The following ACOT1 variants were observed in gnomAD, a reference collection of about 807,000 sequenced individuals.
ACOT1 encodes acyl-coenzyme A thioesterase 1.
In ACOT1, 8 loss-of-function variants were observed where a neutral mutation model predicts 15.7. That is an observed-to-expected ratio of 0.51 (90% CI 0.30 to 0.92). The LOEUF is 0.92. Ranked by LOEUF, ACOT1 falls within the 40% of genes least tolerant of loss-of-function variation. ACOT1 has a pLI of 0.06. For synonymous variants in ACOT1, 67 were observed against 241.2 expected, an observed-to-expected ratio of 0.28 and a Z score of 6.69; for missense variants, 151 against 539.4, an observed-to-expected ratio of 0.28 and a Z score of 7.13.
At chr14:73,508,391 A>G in the ACOT1 span, 4 of 953,300 alleles carry the variant, frequency 4.2e-6, no homozygotes, top group South Asian at 1.5e-5. Context: ...ACCCCACCTG[A>G]TATCTCACTT....
chr14:73,501,417 G>A, the ACOT1 span, among the ~76,000 whole-genome samples: 3 of 151,032 alleles, frequency 2.0e-5, no homozygotes, highest in African/African-American at 4.9e-5. Flanking sequence ...GAGCCACCGC[G>A]CCCGGCCTTA....
the ACOT1 span, chr14:73,491,433 CGG>C: frequency 6.6e-6 from 9 of 1,354,778 alleles, no homozygotes; most frequent in East Asian, 1.8e-4. Flanking sequence ...CCCGCCGCGC[CGG>C]TCCGGGTGGT....
upstream of ACOT1, among the ~76,000 whole-genome samples, chr14:73,533,881 TA>T (rs59844752): frequency 0.86 from 32,528 of 37,980 alleles, 14,548 homozygotes; most frequent in Middle Eastern, 0.97. Flanking sequence ...ACCCTGTCTC[TA>T]AAAAAAAAAA....
the ACOT1 span, chr14:73,492,177 T>C: frequency 1.2e-6 from 2 of 1,614,018 alleles, no homozygotes; most frequent in South Asian, 1.1e-5. The surrounding 1 kb of genome is among the most constrained non-coding windows in gnomAD (Gnocchi z 4.9). Context: ...GAGCCGGTGC[T>C]GCAGACCGTG....
At chr14:73,531,964 A>G in the ACOT1 span, among the ~76,000 whole-genome samples, 4 of 114,892 alleles carry the variant, frequency 3.5e-5, no homozygotes, top group African/African-American at 1.1e-4. Context: ...CCCAGGAAGC[A>G]GAGGTTGCAG....
At chr14:73,516,362 C>T in the ACOT1 span, among the ~76,000 whole-genome samples, 1 of 85,274 alleles carries the variant, frequency 1.2e-5, no homozygotes, top group Admixed American at 1.2e-4. Flanking sequence ...CACACTTTGC[C>T]ATGTGACGCT....
At chr14:73,514,072 A>G in the ACOT1 span, 1 of 1,614,182 alleles carries the variant, frequency 6.2e-7, no homozygotes, top group South Asian at 1.1e-5. Context: ...CATCCTCCGC[A>G]GGACCACCAG....
At chr14:73,502,472 T>C in the ACOT1 span, among the ~76,000 whole-genome samples, 1 of 152,134 alleles carries the variant, frequency 6.6e-6, no homozygotes, top group Non-Finnish European at 1.5e-5. Flanking sequence ...GGACTGTTAA[T>C]TTTTTACAGT....
At chr14:73,519,291 GC>G in the ACOT1 span, 1 of 814,598 alleles carries the variant, frequency 1.2e-6, no homozygotes, top group Non-Finnish European at 1.9e-6. Context: ...ATCCATGACT[GC>G]CATACTCTGG....
chr14:73,515,658 C>T, the ACOT1 span, among the ~76,000 whole-genome samples: 7 of 110,220 alleles, frequency 6.4e-5, no homozygotes, highest in Non-Finnish European at 8.4e-5. Flanking sequence ...GGTGACAAAG[C>T]GAGACTCCAT....
chr14:73,510,082 C>T, the ACOT1 span, among the ~76,000 whole-genome samples: 158 of 150,920 alleles, frequency 1.0e-3, no homozygotes, highest in African/African-American at 3.5e-3. Context: ...AGGATGGTCT[C>T]GATCTCCTGA....
the ACOT1 span, chr14:73,508,386 A>C: frequency 9.8e-7 from 1 of 1,017,790 alleles, no homozygotes; most frequent in Non-Finnish European, 1.5e-6. Flanking sequence ...CTGCTACCCC[A>C]CCTGATATCT....
chr14:73,493,825 G>A, the ACOT1 span, among the ~76,000 whole-genome samples: 4 of 152,144 alleles, frequency 2.6e-5, no homozygotes, highest in Admixed American at 6.5e-5. Context: ...GCAACAGAGC[G>A]AGACTCCGTC....
At chr14:73,515,780 G>A in the ACOT1 span, among the ~76,000 whole-genome samples, 3 of 113,392 alleles carry the variant, frequency 2.6e-5, no homozygotes, top group African/African-American at 3.5e-5. Flanking sequence ...CAGCTTGGAC[G>A]TGCTGGGGGA....
chr14:73,530,769 C>T, the ACOT1 span, among the ~76,000 whole-genome samples: 1 of 112,668 alleles, frequency 8.9e-6, no homozygotes, highest in African/African-American at 2.9e-5. Flanking sequence ...GGAGCATAGG[C>T]ACATAGCACA....
chr14:73,504,011 G>A, the ACOT1 span, among the ~76,000 whole-genome samples: 1 of 151,570 alleles, frequency 6.6e-6, no homozygotes, highest in African/African-American at 2.4e-5. Context: ...ATTGGAAGTT[G>A]TTAAAATGAT....
At chr14:73,522,166 T>C in the ACOT1 span, 1 of 1,181,898 alleles carries the variant, frequency 8.5e-7, no homozygotes, top group African/African-American at 1.5e-5. Context: ...GAACATGAAG[T>C]TGATGGGAGA....
At chr14:73,514,264 C>T in the ACOT1 span, 2 of 1,600,438 alleles carry the variant, frequency 1.2e-6, no homozygotes, top group East Asian at 4.5e-5. Flanking sequence ...GAGGTCTTTT[C>T]ACCCCACTGC....
the ACOT1 span, chr14:73,527,460 TAAC>T: frequency 6.0e-5 from 9 of 150,800 alleles, no homozygotes; most frequent in Non-Finnish European, 1.3e-4. Context: ...GAGATTGAAA[TAAC>T]AAAAATCAAG....
Sources: allele counts gnomAD v4.1 joint callset (sites outside exome capture counted in the v4.1 genomes callset), GRCh38; gene constraint gnomAD v4.1.1; non-coding constraint Gnocchi (gnomAD v3.1); transcripts MANE v1.5; gene names NCBI Gene and HGNC (gene_info 2026-07-23, HGNC 2026-07-21).